BTAF1: variants seen among roughly 807,000 people sequenced by gnomAD.
The protein encoded by BTAF1 is B-TFIID TATA-box binding protein associated factor 1.
Under a neutral mutation model 227.1 loss-of-function variants are expected in BTAF1, and 38 were observed. That is an observed-to-expected ratio of 0.17 (90% CI 0.13 to 0.22). The LOEUF (loss-of-function observed/expected upper bound fraction) is 0.22, where lower values mean the gene tolerates loss of function less well. Ranked by LOEUF, BTAF1 falls within the 10% of genes least tolerant of loss-of-function variation. The probability of loss-of-function intolerance (pLI) is 1.00; values close to 1 mark genes in which losing one functional copy is unlikely to be tolerated. For synonymous variants in BTAF1, 742 were observed against 751.9 expected, an observed-to-expected ratio of 0.99 and a Z score of 0.21; for missense variants, 1,598 against 2,204.0, an observed-to-expected ratio of 0.73 and a Z score of 5.51.
At position 91,923,861 on chromosome 10, in the gene BTAF1, A is replaced by G. The variant is rs1159923872; in HGVS notation, c.-216A>G. ...GGGTCGGAGGACTGCCGCCTCCGCT[A>G]CCGTCTTGGACCCCTGCTTACCGGC... On this transcript the variant is annotated 5_prime_UTR_variant, in exon 1 of 38. Transcript: ENST00000265990. The G allele has an allele frequency of 6.4e-6, 3 of 468,636 alleles. No homozygotes were observed. The highest frequency in any genetic ancestry group is 7.4e-6 in the Non-Finnish European group (2 of 268,810). The allele number at this position is 468,636 out of a possible 1,614,324, so 29.0% of individuals were successfully genotyped here.
Position 92,024,884 on chromosome 10 carries a change from C to T in BTAF1, c.4992C>T (p.Leu1664=). The stretch of plus-strand genomic sequence containing the variant: ...TGCTTGATATAGTAGAGCATGATCT[C>T]CTCAAACCTCACTTGCCCTCTGTCA... ...KSMLDIVEHD[L]LKPHLPSVTY... is the part of the protein sequence containing the mutation. The change falls in exon 35 of 38, where the codon CTC becomes CTT. Residue 1664 remains leucine, a synonymous_variant. Transcript: ENST00000265990. The T allele has an allele frequency of 6.2e-7, 1 of 1,614,036 alleles. No homozygotes were observed. Among genetic ancestry groups the T allele is most frequent in the South Asian group, 1.1e-5 (1 of 91,078 alleles).
In BTAF1 at chr10:91,989,295, C is replaced by G; in HGVS notation, c.2569C>G (p.His857Asp). 1.2e-6 allele frequency: 2 copies of G among 1,614,152 alleles called. No homozygotes were observed. Among genetic ancestry groups the G allele is most frequent in the Non-Finnish European group, 1.7e-6 (2 of 1,180,034 alleles). The change falls in exon 20 of 38, where the codon CAT (histidine) becomes GAT (aspartate). Residue 857 changes from histidine to aspartate, a missense_variant. By Grantham distance (81) the His-to-Asp change is moderately conservative. This residue lies in a region of BTAF1 where 425 missense variants were observed against 491.2 expected (regional missense o/e 0.87). Transcript: ENST00000265990. ...QEWQVLQLRV[H>D]TFAACAVVSL... ...GTGGCAAGTGTTGCAGTTGAGAGTG[C>G]ATACTTTTGCTGCCTGTGCAGTTGT...
chr10:91,987,754 T>C (rs747626035), intron 19 of BTAF1, among the ~76,000 whole-genome samples: 5 of 152,162 alleles, frequency 3.3e-5, no homozygotes, highest in Non-Finnish European at 7.4e-5. Flanking sequence ...AAATGCTCTA[T>C]CTCTTATCTC....
At chr10:91,938,211 A>T (rs772179857) in intron 2 of BTAF1, among the ~76,000 whole-genome samples, 1 of 152,226 alleles carries the variant, frequency 6.6e-6, no homozygotes, top group African/African-American at 2.4e-5. Flanking sequence ...AAGGTATCCA[A>T]ACTATACAAA....
chr10:92,025,083 G>A, intron 35 of BTAF1, 116 bp downstream of exon 35: 1 of 846,324 alleles, frequency 1.2e-6, no homozygotes, highest in Non-Finnish European at 1.8e-6. Context: ...TTTTAATTGT[G>A]TAATTCACCC....
At chr10:91,949,312 C>CA (rs1360842304) in intron 4 of BTAF1, among the ~76,000 whole-genome samples, 1 of 152,040 alleles carries the variant, frequency 6.6e-6, no homozygotes, top group Non-Finnish European at 1.5e-5. Context: ...GAGCCTGTCT[C>CA]AAAAAACAAA....
chr10:91,989,358 A>G lies in BTAF1; in HGVS notation c.2632A>G (p.Ile878Val), dbSNP rs1848601700. 1.9e-6 allele frequency: 3 copies of G among 1,614,110 alleles called. No individual in the cohort carries two copies. ...GCTTCCGGAGAAATTAAATCCTATC[A>G]TAAAACCATTAATGGAGACAATTAA... The part of the protein sequence containing the change: ...QQLPEKLNPI[I>V]KPLMETIKKE... The change falls in exon 20 of 38, where the codon ATA (isoleucine) becomes GTA (valine). Residue 878 changes from isoleucine to valine, a missense_variant. Physicochemically the swap from Ile to Val is conservative, Grantham distance 29. This residue lies in a region of BTAF1 where 425 missense variants were observed against 491.2 expected (regional missense o/e 0.87). Coordinates refer to ENST00000265990, the MANE Select transcript of BTAF1 (RefSeq NM_003972.3).
At chr10:91,981,846 C>T (rs890686013) in intron 16 of BTAF1, 54 bp downstream of exon 16, 44 of 1,532,632 alleles carry the variant, frequency 2.9e-5, no homozygotes, top group Middle Eastern at 3.8e-4. Context: ...ATTATTAATA[C>T]AGTAACCATA....
intron 25 of BTAF1, among the ~76,000 whole-genome samples, chr10:92,002,012 ACACT>A (rs1288940852): frequency 9.2e-5 from 7 of 76,116 alleles, no homozygotes; most frequent in Non-Finnish European, 1.4e-4. Flanking sequence ...ACACACACAC[ACACT>A]CCATATATTC....
intron 2 of BTAF1, among the ~76,000 whole-genome samples, chr10:91,938,094 T>A (rs1256501020): frequency 6.6e-6 from 1 of 152,228 alleles, no homozygotes; most frequent in East Asian, 1.9e-4. Flanking sequence ...CATTTGTATA[T>A]CTTCTTTGGA....
intron 3 of BTAF1, among the ~76,000 whole-genome samples, chr10:91,940,268 T>C (rs1194976035): frequency 6.6e-6 from 1 of 152,170 alleles, no homozygotes; most frequent in East Asian, 1.9e-4. Context: ...GAAAATGTTT[T>C]TGTATACATT....
chr10:91,978,412 A>T (rs765865394), intron 14 of BTAF1, among the ~76,000 whole-genome samples: 7 of 152,132 alleles, frequency 4.6e-5, no homozygotes, highest in Non-Finnish European at 7.4e-5. Flanking sequence ...AGAAATTAAG[A>T]GACATTATGG....
chr10:91,972,486 C>T (rs976337418), intron 14 of BTAF1, among the ~76,000 whole-genome samples: 2 of 152,154 alleles, frequency 1.3e-5, no homozygotes, highest in African/African-American at 2.4e-5. Context: ...TTTCCAACTT[C>T]TGTAACTTGT....
At chr10:91,933,815 G>GT (rs1187921761) in intron 1 of BTAF1, among the ~76,000 whole-genome samples, 1 of 152,180 alleles carries the variant, frequency 6.6e-6, no homozygotes, top group African/African-American at 2.4e-5. Flanking sequence ...AGATCAAGCA[G>GT]TTTATTTTCT....
chr10:91,958,698 A>G (rs1351204450), intron 8 of BTAF1, among the ~76,000 whole-genome samples: 2 of 152,110 alleles, frequency 1.3e-5, no homozygotes, highest in Non-Finnish European at 1.5e-5. Context: ...GTGAGACTCC[A>G]TCTCGAAAAA....
intron 28 of BTAF1, 31 bp from the exon 29 acceptor site, chr10:92,011,042 G>A (rs1564715667): frequency 2.0e-6 from 3 of 1,532,188 alleles, no homozygotes; most frequent in South Asian, 1.2e-5. Context: ...CAGGGTCTCT[G>A]TTTTCTAATT....
intron 8 of BTAF1, 64 bp from the exon 9 acceptor site, chr10:91,959,001 A>G (rs1846296873): frequency 2.7e-6 from 4 of 1,456,684 alleles, no homozygotes; most frequent in Admixed American, 3.5e-5. Context: ...TTCGTATAGA[A>G]GAAAAATCAA....
chr10:91,969,678 G>T (rs146516103), intron 14 of BTAF1, among the ~76,000 whole-genome samples: 1 of 151,956 alleles, frequency 6.6e-6, no homozygotes, highest in Non-Finnish European at 1.5e-5. Context: ...ATAAATCCCC[G>T]TCGGGCCCAG....
chr10:92,021,777 C>G (rs1416728674), intron 34 of BTAF1, among the ~76,000 whole-genome samples: 1 of 152,068 alleles, frequency 6.6e-6, no homozygotes, highest in Non-Finnish European at 1.5e-5. Flanking sequence ...CTCTCCTGAC[C>G]TCATGATCCG....
Sources: allele counts gnomAD v4.1 joint callset (sites outside exome capture counted in the v4.1 genomes callset), GRCh38; gene constraint gnomAD v4.1.1; regional missense constraint gnomAD v4.1.1; transcripts MANE v1.5; gene names NCBI Gene and HGNC (gene_info 2026-07-23, HGNC 2026-07-21).